Variants in MED9 observed in about 807,000 individuals in gnomAD.
MED9 encodes the protein mediator of RNA polymerase II transcription subunit 9.
MED9 carries 8 observed loss-of-function variants against 13.2 expected under a neutral mutation model. The observed-to-expected ratio is 0.61, with a 90% CI of 0.36 to 1.10. MED9 has a LOEUF of 1.10. MED9 is among the 50% of genes least tolerant of loss of function. The pLI is 0.02. For synonymous variants in MED9, 87 were observed against 82.8 expected, an observed-to-expected ratio of 1.05 and a Z score of -0.28; for missense variants, 180 against 193.4, an observed-to-expected ratio of 0.93 and a Z score of 0.41.
intron 1 of MED9, among the ~76,000 whole-genome samples, chr17:17,484,111 T>C (rs1476219953): frequency 6.6e-6 from 1 of 152,240 alleles, no homozygotes; most frequent in African/African-American, 2.4e-5. Flanking sequence ...TTATTATTTT[T>C]TCCTTCAAAC....
chr17:17,490,859 T>C (rs995598583), intron 1 of MED9, among the ~76,000 whole-genome samples: 6 of 152,236 alleles, frequency 3.9e-5, no homozygotes, highest in African/African-American at 7.2e-5. Flanking sequence ...TCACCTGATA[T>C]TGGTATTGGT....
chr17:17,486,920 A>G (rs1307692136), intron 1 of MED9: 1 of 152,384 alleles, frequency 6.6e-6, no homozygotes, highest in Non-Finnish European at 1.5e-5. Flanking sequence ...GCACCAATCT[A>G]CACTCTGTAT....
Position 17,483,734 on chromosome 17 carries a change from C to T in MED9, c.224+6469C>T, listed in dbSNP as rs920064384. Among the ~76,000 whole-genome samples, 2 of 151,966 alleles carry T rather than the reference C, an allele frequency of 1.3e-5. No individual in the cohort carries two copies. Among genetic ancestry groups the T allele is most frequent in the Non-Finnish European group, 2.9e-5 (2 of 68,008 alleles). ...CGGGTGGATCACGAGGTCAGGAGAT[C>T]GAGACCATCCTGGCCAACACGGTGA... On this transcript the variant is annotated intron_variant, in intron 1 of 1. Coordinates refer to ENST00000268711, the MANE Select transcript of MED9 (RefSeq NM_018019.3). This position sits in a 1 kb window ranked among gnomAD's most constrained non-coding sequence, Gnocchi z 4.2.
rs535471788 is a variant in MED9, at chr17:17,491,636, G to T, written c.*141G>T. ...GCAGGGGCGGGGCTCCTGTGCTGCT[G>T]CGCGCGCTTCGCCTGTGCGGGAGCC... On this transcript the variant is annotated 3_prime_UTR_variant, in exon 2 of 2. Transcript: ENST00000268711. The T allele has an allele frequency of 1.3e-4, 111 of 835,738 alleles. No individual in the cohort carries two copies. The Middle Eastern group carries it at 1.4e-3, about 11-fold the overall frequency. The allele number at this position is 835,738 out of a possible 1,614,324, so 51.8% of individuals were successfully genotyped here. A position where few individuals can be genotyped will look rare whatever the true frequency, so the allele number is the denominator to read the frequency against.
intron 1 of MED9, among the ~76,000 whole-genome samples, chr17:17,479,678 A>G (rs531304552): frequency 3.3e-5 from 5 of 152,320 alleles, no homozygotes; most frequent in African/African-American, 1.2e-4. Context: ...TACAAAAAAA[A>G]TTAGCCAGGC....
chr17:17,485,566 C>T (rs891129048), intron 1 of MED9: 1 of 378,826 alleles, frequency 2.6e-6, no homozygotes, highest in Non-Finnish European at 4.7e-6. Context: ...CACACAGGTG[C>T]AAGCCTGGGG....
intron 1 of MED9, among the ~76,000 whole-genome samples, chr17:17,482,804 G>A (rs1246800670): frequency 6.6e-6 from 1 of 152,100 alleles, no homozygotes; most frequent in Non-Finnish European, 1.5e-5. Context: ...GAATAAGGGG[G>A]CCTCGGTTAG....
chr17:17,491,539 G>A lies in MED9; in HGVS notation c.*44G>A, dbSNP rs1451804445. On this transcript the variant is annotated 3_prime_UTR_variant, in exon 2 of 2. Coordinates refer to ENST00000268711, the MANE Select transcript of MED9 (RefSeq NM_018019.3). ...AGAAAGAGGGGGAAGCCAATGGCCT[G>A]TCTCCCCACTACCATCCCCAAACGC... 6.5e-7 allele frequency: 1 copy of A among 1,531,332 alleles called. No individual in the cohort carries two copies. Among genetic ancestry groups the A allele is most frequent in the South Asian group, 1.1e-5 (1 of 89,174 alleles). 94.9% of individuals were successfully genotyped at this position (1,531,332 alleles called of 1,614,324 possible). A position where few individuals can be genotyped will look rare whatever the true frequency, so the allele number is the denominator to read the frequency against.
In MED9 at chr17:17,491,787, T is replaced by G. The variant is rs1905236423; in HGVS notation, c.*292T>G. 2.5e-6 allele frequency: 1 copy of G among 405,760 alleles called. No individual in the cohort carries two copies. Among genetic ancestry groups the G allele is most frequent in the Non-Finnish European group, 4.6e-6 (1 of 215,402 alleles). The allele number at this position is 405,760 out of a possible 1,614,324, so 25.1% of individuals were successfully genotyped here. On this transcript the variant is annotated 3_prime_UTR_variant, in exon 2 of 2. Transcript: ENST00000268711. ...AGGCTGCAGAGGGGGTGGAGGACTCTCCCCTGCCTCTGGGGAGGGGGCCAT... is the reference window on the plus strand; with the variant it reads ...AGGCTGCAGAGGGGGTGGAGGACTCGCCCCTGCCTCTGGGGAGGGGGCCAT...
chr17:17,488,935 G>A lies in MED9; in HGVS notation c.225-2344G>A, dbSNP rs181314996. Among the ~76,000 whole-genome samples the A allele has an allele frequency of 3.0e-3, 457 of 152,324 alleles. 1 individual carries two copies. Among genetic ancestry groups the A allele is most frequent in the African/African-American group, 0.011 (447 of 41,582 alleles). ...GATGTTCATCCTCCTTGACCTAGTG[G>A]CTTTTTTCATTCCTTCTATAGTTGG... On this transcript the variant is annotated intron_variant, in intron 1 of 1. Coordinates refer to ENST00000268711, the MANE Select transcript of MED9 (RefSeq NM_018019.3).
intron 1 of MED9, among the ~76,000 whole-genome samples, chr17:17,482,575 A>T (rs1196065519): frequency 6.6e-6 from 1 of 152,090 alleles, no homozygotes; most frequent in East Asian, 1.9e-4. Flanking sequence ...GACTTTGTTC[A>T]TAGTCATGGT....
intron 1 of MED9, among the ~76,000 whole-genome samples, chr17:17,484,042 A>G (rs1044024730): frequency 6.6e-6 from 1 of 152,190 alleles, no homozygotes; most frequent in Non-Finnish European, 1.5e-5. Flanking sequence ...TATAGATGCT[A>G]CATTTTAAAA....
rs746494945 is a variant in MED9 at position 17,492,907 on chromosome 17, AAAG to A, written c.*1416_*1418del. Reference sequence around the variant, plus strand: ...TCAAATTTCAGTGGCTTTGGACAGAAAAGAAGGCTCTGGATTTAAGCGGGTGGT... The same window carrying A: ...TCAAATTTCAGTGGCTTTGGACAGAAAAGGCTCTGGATTTAAGCGGGTGGT... On this transcript the variant is annotated 3_prime_UTR_variant, in exon 2 of 2. Coordinates refer to ENST00000268711, the MANE Select transcript of MED9 (RefSeq NM_018019.3). 6.6e-5 allele frequency: 10 copies of A among 152,298 alleles called. No individual in the cohort carries two copies. Among genetic ancestry groups the A allele is most frequent in the Non-Finnish European group, 1.5e-4 (10 of 68,062 alleles). 9.4% of individuals were successfully genotyped at this position (152,298 alleles called of 1,614,324 possible).
rs200780533 is a variant in MED9 at position 17,491,370 on chromosome 17, G to A, written c.316G>A (p.Gly106Ser). The change falls in exon 2 of 2, where the codon GGC (glycine) becomes AGC (serine). Residue 106 changes from glycine to serine, a missense_variant. Gly to Ser is a moderately conservative substitution (Grantham distance 56). Coordinates refer to ENST00000268711, the MANE Select transcript of MED9 (RefSeq NM_018019.3). The stretch of plus-strand genomic sequence containing the variant: ...GCGCAAGCTCATCAGCACCATGCCC[G>A]GCATCCACCTGAGCCCCGAACAGCA... ...EMRKLISTMP[G>S]IHLSPEQQQQ... The A allele has an allele frequency of 3.8e-5, 61 of 1,614,002 alleles. No homozygotes were observed. Among genetic ancestry groups the A allele is most frequent in the Middle Eastern group, 1.7e-4 (1 of 6,060 alleles).
At chr17:17,486,975 A>C (rs1905143437) in intron 1 of MED9, 1 of 151,920 alleles carries the variant, frequency 6.6e-6, no homozygotes, top group Admixed American at 6.6e-5. Flanking sequence ...TGTCTAGCTC[A>C]GGGATTGTAA....
chr17:17,485,123 C>T (rs1032047918), intron 1 of MED9: 4 of 327,012 alleles, frequency 1.2e-5, no homozygotes, highest in African/African-American at 4.3e-5. Context: ...ACTTGATTTC[C>T]GTGCCTCAGC....
At position 17,477,013 on chromosome 17, in the gene MED9, C is replaced by A. The variant is rs183791895; in HGVS notation, c.-29C>A. Reference sequence around the variant, plus strand: ...AGAGTGCGCGACGCTTTTGGCGACCCGACCTCTGGCTAACCTACCCCCGGA... The same window carrying A: ...AGAGTGCGCGACGCTTTTGGCGACCAGACCTCTGGCTAACCTACCCCCGGA... On this transcript the variant is annotated 5_prime_UTR_variant, in exon 1 of 2. Transcript: ENST00000268711. 1 of 1,601,914 alleles carries A rather than the reference C, an allele frequency of 6.2e-7. No individual in the cohort carries two copies. The highest frequency in any genetic ancestry group is 1.1e-5 in the South Asian group (1 of 90,910).
rs948026926 is a variant in MED9, at chr17:17,477,073, A to T, written c.32A>T (p.Gln11Leu). Residue 11 changes from glutamine (Q) to leucine (L), a missense_variant, in exon 1 of 2, where the codon CAG becomes CTG. By Grantham distance (113) the Gln-to-Leu change is moderately radical. Coordinates refer to ENST00000268711, the MANE Select transcript of MED9 (RefSeq NM_018019.3). MASAGVAAGR[Q>L]AEDVLPPTSD... ...TCTGCTGGGGTGGCAGCCGGGCGAC[A>T]GGCGGAGGATGTATTGCCGCCAACG... The T allele has an allele frequency of 1.9e-6, 3 of 1,607,098 alleles. No homozygotes were observed. The Middle Eastern group carries it at 6.6e-4, about 355-fold the overall frequency.
chr17:17,489,144 C>A (rs956947810), intron 1 of MED9, among the ~76,000 whole-genome samples: 1 of 152,238 alleles, frequency 6.6e-6, no homozygotes, highest in African/African-American at 2.4e-5. Context: ...TTTACCTCCA[C>A]CAACTAGGGC....
Sources: gnomAD v4.1 joint callset for allele counts (sites outside exome capture counted in the v4.1 genomes callset) on GRCh38, gnomAD v4.1.1 for gene constraint, Gnocchi (gnomAD v3.1) non-coding constraint, MANE v1.5 for transcripts, NCBI Gene and HGNC (gene_info 2026-07-23, HGNC 2026-07-21) for gene names.